Variants in SETDB2 observed in about 807,000 individuals in gnomAD.
SETDB2 encodes SET domain bifurcated histone lysine methyltransferase 2.
SETDB2 carries 56 observed loss-of-function variants against 82.5 expected under a neutral mutation model. The ratio of observed to expected loss-of-function variants is 0.68; its 90% CI spans 0.55 to 0.85. SETDB2 has a LOEUF of 0.85. SETDB2 is among the 40% of genes least tolerant of loss of function. The pLI is 0.00. For synonymous variants in SETDB2, 272 were observed against 284.9 expected (o/e 0.95, Z 0.46); for missense variants, 677 against 816.4 (o/e 0.83, Z 2.08).
chr13:49,475,332 G>A (rs1051300413), intron 5 of SETDB2, among the ~76,000 whole-genome samples: 9 of 152,102 alleles, frequency 5.9e-5, no homozygotes, highest in Admixed American at 2.0e-4. Flanking sequence ...TAGGGACACA[G>A]CCAAACCATA....
intron 11 of SETDB2, 68 bp from the exon 12 acceptor site, chr13:49,488,222 G>A (rs558014516): frequency 3.5e-5 from 52 of 1,505,836 alleles, no homozygotes; most frequent in East Asian, 9.1e-5. Flanking sequence ...TCTAATTAGT[G>A]TTGTTAATTT....
At chr13:49,476,359 T>C in intron 5 of SETDB2, 117 bp from the exon 6 acceptor site, 1 of 725,320 alleles carries the variant, frequency 1.4e-6, no homozygotes. Context: ...AAAATGTGTA[T>C]CTTAGAGTCT....
chr13:49,493,914 C>A lies in SETDB2; in HGVS notation c.*2065C>A, dbSNP rs1332961327. On this transcript the variant is annotated 3_prime_UTR_variant, in exon 14 of 14. Coordinates refer to ENST00000611815, the MANE Select transcript of SETDB2 (RefSeq NM_001160308.3). The stretch of plus-strand genomic sequence containing the variant: ...GTTTATCTTTGTCTCAATGTTCTGT[C>A]CCTGTTAAGAGTCCATTTTCATCCT... 6.6e-6 allele frequency: 1 copy of A among 152,152 alleles called. No homozygotes were observed. The highest frequency in any genetic ancestry group is 1.9e-4 in the East Asian group (1 of 5,194). 9.4% of individuals were successfully genotyped at this position (152,152 alleles called of 1,614,324 possible).
At position 49,473,851 on chromosome 13, in the gene SETDB2, A is replaced by T. The variant is rs528984936; in HGVS notation, c.306-2625A>T. ...CAAATAAATAGAAAATCCAGAGTTC[A>T]GGTTATACCATAATTCCTTATAAGA... On this transcript the variant is annotated intron_variant, in intron 5 of 13. Coordinates refer to ENST00000611815, the MANE Select transcript of SETDB2 (RefSeq NM_001160308.3). 3.2e-4 allele frequency among the ~76,000 whole-genome samples: 48 copies of T among 152,352 alleles called. 1 individual carries two copies. The South Asian group carries it at 9.7e-3, about 31-fold the overall frequency.
intron 5 of SETDB2, among the ~76,000 whole-genome samples, chr13:49,471,072 C>T (rs551881086): frequency 2.2e-4 from 32 of 147,976 alleles, no homozygotes; most frequent in South Asian, 8.6e-4. Flanking sequence ...TAAGCTCAAG[C>T]GATCCTTCCT....
chr13:49,447,231 G>A (rs1373348667), intron 1 of SETDB2, among the ~76,000 whole-genome samples: 1 of 152,090 alleles, frequency 6.6e-6, no homozygotes, highest in Non-Finnish European at 1.5e-5. Context: ...TCTTTGGTGT[G>A]TATGGTTAAT....
chr13:49,485,448 A>C (rs554658183), intron 10 of SETDB2, among the ~76,000 whole-genome samples, 182 bp from the exon 11 acceptor site: 14 of 152,334 alleles, frequency 9.2e-5, no homozygotes, highest in African/African-American at 2.6e-4. Flanking sequence ...GAACAGAGTC[A>C]AAGGGGATGA....
chr13:49,456,076 A>G (rs1957876210), intron 2 of SETDB2, among the ~76,000 whole-genome samples: 1 of 152,118 alleles, frequency 6.6e-6, no homozygotes, highest in South Asian at 2.1e-4. Flanking sequence ...ATGTCCTAAT[A>G]TTATTTTTTA....
In SETDB2 at chr13:49,446,236, T is replaced by A. The variant is rs139174000; in HGVS notation, c.-342+1379T>A. Among the ~76,000 whole-genome samples, 621 of 152,334 alleles carry A rather than the reference T, an allele frequency of 4.1e-3. 1 individual carries two copies. The highest frequency in any genetic ancestry group is 5.9e-3 in the Non-Finnish European group (400 of 68,034). On this transcript the variant is annotated intron_variant, in intron 1 of 13. Transcript: ENST00000611815. ...ACACTTTTACATTCTTTTACAGAAT[T>A]GGTACCTTGTAGATAAAGAGCACAA...
At chr13:49,479,085 A>G (rs1438644199) in intron 6 of SETDB2, among the ~76,000 whole-genome samples, 2 of 152,212 alleles carry the variant, frequency 1.3e-5, no homozygotes, top group Non-Finnish European at 2.9e-5. Context: ...CCTATAGTAA[A>G]TTTTTTATAA....
intron 3 of SETDB2, 81 bp downstream of exon 3, chr13:49,460,313 T>C (rs1957967985): frequency 4.3e-6 from 6 of 1,405,410 alleles, no homozygotes; most frequent in Non-Finnish European, 4.8e-6. Flanking sequence ...ATTTCCAATA[T>C]TGCTGTTTGT....
At chr13:49,454,946 C>T (rs1194825606) in intron 2 of SETDB2, among the ~76,000 whole-genome samples, 1 of 151,942 alleles carries the variant, frequency 6.6e-6, no homozygotes, top group Non-Finnish European at 1.5e-5. Flanking sequence ...ATGTGGGTAA[C>T]ATCTGTTGAT....
At chr13:49,477,932 T>C (rs1343521814) in intron 6 of SETDB2, among the ~76,000 whole-genome samples, 2 of 152,216 alleles carry the variant, frequency 1.3e-5, no homozygotes, top group African/African-American at 4.8e-5. Context: ...TGTTCTAATA[T>C]ATTAAGACTT....
chr13:49,491,864 C>G lies in SETDB2; in HGVS notation c.*15C>G, dbSNP rs758385832. On this transcript the variant is annotated 3_prime_UTR_variant, in exon 14 of 14. Transcript: ENST00000611815. Reference sequence around the variant, plus strand: ...AAATATTATAAATATGTAACTAACGCCTGTTTGTGAAATTAGCTTATCAGG... The same window carrying G: ...AAATATTATAAATATGTAACTAACGGCTGTTTGTGAAATTAGCTTATCAGG... 1.4e-5 allele frequency: 22 copies of G among 1,531,246 alleles called. No homozygotes were observed. Among genetic ancestry groups the G allele is most frequent in the Non-Finnish European group, 2.7e-6 (3 of 1,105,566 alleles). The allele number at this position is 1,531,246 out of a possible 1,614,324, so 94.9% of individuals were successfully genotyped here.
intron 2 of SETDB2, among the ~76,000 whole-genome samples, chr13:49,455,615 A>G (rs1315674003): frequency 6.6e-6 from 1 of 152,108 alleles, no homozygotes. Context: ...GGTTTTCAAA[A>G]TTCTCATTTT....
At chr13:49,457,399 C>T (rs942071673) in intron 2 of SETDB2, among the ~76,000 whole-genome samples, 1 of 75,148 alleles carries the variant, frequency 1.3e-5, no homozygotes, top group African/African-American at 8.6e-5. Flanking sequence ...TATTTCCTAC[C>T]AAATAATTTA....
Position 49,488,311 on chromosome 13 carries a change from T to C in SETDB2, c.1598T>C (p.Val533Ala). 6.3e-7 allele frequency: 1 copy of C among 1,592,064 alleles called. No individual in the cohort carries two copies. The highest frequency in any genetic ancestry group is 8.5e-7 in the Non-Finnish European group (1 of 1,173,844). ...GAQKDSSSNH[V>A]DEFEDNLLIE... The stretch of plus-strand genomic sequence containing the variant: ...TTAGAGGACTCAAGTTCAAACCATG[T>C]TGATGAGTTTGAAGATAATCTGCTG... Residue 533 changes from valine to alanine, a missense_variant, in exon 12 of 14, where the codon GTT becomes GCT. Physicochemically the swap from Val to Ala is moderately conservative, Grantham distance 64. This residue lies in a region of SETDB2 where 420 missense variants were observed against 554.6 expected (regional missense o/e 0.76). Coordinates refer to ENST00000611815, the MANE Select transcript of SETDB2 (RefSeq NM_001160308.3).
intron 2 of SETDB2, among the ~76,000 whole-genome samples, chr13:49,453,874 A>ATG (rs1049040986): frequency 7.2e-5 from 11 of 151,742 alleles, no homozygotes; most frequent in Admixed American, 1.3e-4. Flanking sequence ...AATGAAGTAT[A>ATG]TATATATATA....
intron 3 of SETDB2, among the ~76,000 whole-genome samples, chr13:49,460,719 A>G (rs1169835632): frequency 6.6e-6 from 1 of 152,164 alleles, no homozygotes; most frequent in African/African-American, 2.4e-5. Context: ...TCCTCCTTCA[A>G]TCCATCAGGA....
Sources: allele counts gnomAD v4.1 joint callset (sites outside exome capture counted in the v4.1 genomes callset), GRCh38; gene constraint gnomAD v4.1.1; regional missense constraint gnomAD v4.1.1; transcripts MANE v1.5; gene names NCBI Gene and HGNC (gene_info 2026-07-23, HGNC 2026-07-21).